Variants in PPFIA2 observed in about 807,000 individuals in gnomAD.
PPFIA2 encodes liprin-alpha-2.
In PPFIA2, 46 loss-of-function variants were observed where a neutral mutation model predicts 175.5. The ratio of observed to expected loss-of-function variants is 0.26; its 90% CI spans 0.21 to 0.34. The LOEUF is 0.34. Among genes scored for constraint, PPFIA2 ranks in the 10% least tolerant of loss-of-function variants. The probability of loss-of-function intolerance (pLI) is 1.00; values close to 1 mark genes in which losing one functional copy is unlikely to be tolerated. For missense variants in PPFIA2, 1,179 were observed against 1,506.1 expected (o/e 0.78, Z 3.60); for synonymous variants, 568 against 511.4 (o/e 1.11, Z -1.49).
Position 81,347,637 on chromosome 12 carries a change from C to T in PPFIA2, c.2128G>A (p.Ala710Thr). 1.2e-6 allele frequency: 2 copies of T among 1,613,782 alleles called. No homozygotes were observed. Among genetic ancestry groups the T allele is most frequent in the South Asian group, 2.2e-5 (2 of 91,072 alleles). ...GGAGATGAACTGGCCAGCGATGAAG[C>T]TGTAACAGAGGCAGTAATGGAGGTA... ...PGTSITASVT[A>T]SSLASSSPPS... The change falls in exon 18 of 33, where the codon GCT becomes ACT. Residue 710 changes from alanine (A) to threonine (T), a missense_variant. Transcript: ENST00000549396.
At chr12:81,411,001 T>G (rs2043862811) in intron 7 of PPFIA2, among the ~76,000 whole-genome samples, 1 of 152,022 alleles carries the variant, frequency 6.6e-6, no homozygotes, top group Non-Finnish European at 1.5e-5. Context: ...AATTTCCCCT[T>G]TTGTGCCCCA....
Position 81,374,806 on chromosome 12 carries a change from A to T in PPFIA2, c.1132-38T>A, listed in dbSNP as rs753369723. The T allele has an allele frequency of 1.9e-6, 3 of 1,583,840 alleles. No individual in the cohort carries two copies. In the South Asian group the frequency reaches 3.4e-5, roughly 18 times the overall value. On this transcript the variant is annotated intron_variant, in intron 10 of 32. Transcript: ENST00000549396. ...TGGGAGCAGAGACACTTAAAGAGTC[A>T]GAGTTTGGATAGCAAACACCAGTCG... is the stretch of plus-strand genomic sequence containing the variant.
chr12:81,420,990 AG>A (rs1406915024), intron 7 of PPFIA2, among the ~76,000 whole-genome samples: 1 of 152,178 alleles, frequency 6.6e-6, no homozygotes, highest in Non-Finnish European at 1.5e-5. Flanking sequence ...GAAACATTGC[AG>A]GCCAAGAGAC....
intron 4 of PPFIA2, among the ~76,000 whole-genome samples, chr12:81,614,282 G>A (rs763945394): frequency 6.6e-5 from 10 of 152,034 alleles, no homozygotes; most frequent in Admixed American, 3.9e-4. Context: ...ATGTTTTCGT[G>A]CTCTTCAATG....
chr12:81,753,982 G>A lies in PPFIA2; in HGVS notation c.240C>T (p.Ala80=). Residue 80 remains alanine, a synonymous_variant, in exon 3 of 33, where the codon GCC becomes GCT. Transcript: ENST00000549396. ...CTACCAGGAAGCATACCTGTGGCAGGGCTGAATTGAGCTGTCTCTGGAGTG... is the reference window on the plus strand; with the variant it reads ...CTACCAGGAAGCATACCTGTGGCAGAGCTGAATTGAGCTGTCTCTGGAGTG... ...RDSLQRQLNS[A]LPQDIESLTG... is the part of the protein sequence containing the mutation. 1 of 1,613,784 alleles carries A rather than the reference G, an allele frequency of 6.2e-7. No homozygotes were observed.
At chr12:81,357,977 A>G (rs2141091294) in intron 16 of PPFIA2, 105 bp downstream of exon 16, 1 of 1,180,180 alleles carries the variant, frequency 8.5e-7, no homozygotes, top group South Asian at 1.8e-5. Flanking sequence ...TTTCAAATTA[A>G]TAAAAATGCT....
At chr12:81,541,641 T>C (rs1052265547) in intron 4 of PPFIA2, among the ~76,000 whole-genome samples, 3 of 152,016 alleles carry the variant, frequency 2.0e-5, no homozygotes, top group Non-Finnish European at 4.4e-5. Context: ...TTTCATTATA[T>C]TAATTAGACA....
At chr12:81,408,400 C>G (rs2043302830) in intron 7 of PPFIA2, among the ~76,000 whole-genome samples, 1 of 152,068 alleles carries the variant, frequency 6.6e-6, no homozygotes, top group Non-Finnish European at 1.5e-5. Flanking sequence ...AAATTATATG[C>G]TTTGTTCTAT....
chr12:81,368,114 C>T (rs1233820575), intron 13 of PPFIA2: 19 of 1,287,968 alleles, frequency 1.5e-5, no homozygotes, highest in Non-Finnish European at 1.9e-5. Context: ...TTAATTTATG[C>T]TCTGGAATTG....
At chr12:81,450,016 C>T (rs1190991425) in intron 5 of PPFIA2, among the ~76,000 whole-genome samples, 1 of 152,118 alleles carries the variant, frequency 6.6e-6, no homozygotes, top group Admixed American at 6.5e-5. Context: ...ATATGTGCCA[C>T]ATTTTCTCAA....
chr12:81,662,818 A>G (rs1359881878), intron 4 of PPFIA2, among the ~76,000 whole-genome samples: 2 of 152,198 alleles, frequency 1.3e-5, no homozygotes, highest in African/African-American at 2.4e-5. Context: ...ATACTGGCCA[A>G]CTGAATCCAG....
chr12:81,622,306 A>G (rs2062142275), intron 4 of PPFIA2, among the ~76,000 whole-genome samples: 1 of 152,206 alleles, frequency 6.6e-6, no homozygotes, highest in African/African-American at 2.4e-5. Context: ...TTGCAATTTG[A>G]TACAGGGCTC....
chr12:81,691,141 G>C lies in PPFIA2; in HGVS notation c.250-14297C>G, dbSNP rs116573662. Among the ~76,000 whole-genome samples the C allele has an allele frequency of 6.2e-3, 939 of 152,218 alleles. 10 individuals are homozygous for C. The highest frequency in any genetic ancestry group is 0.021 in the African/African-American group (865 of 41,560). ...CCTACCACAAGGGGTAATTAAAAATGTAAGTTAGAACAGGCTTGGCCTGAA... is the reference window on the plus strand; with the variant it reads ...CCTACCACAAGGGGTAATTAAAAATCTAAGTTAGAACAGGCTTGGCCTGAA... On this transcript the variant is annotated intron_variant, in intron 3 of 32. Coordinates refer to ENST00000549396, the MANE Select transcript of PPFIA2 (RefSeq NM_003625.5).
chr12:81,438,574 A>T (rs1288036548), intron 7 of PPFIA2, among the ~76,000 whole-genome samples: 1 of 152,240 alleles, frequency 6.6e-6, no homozygotes, highest in Non-Finnish European at 1.5e-5. Context: ...CTGTATGCAT[A>T]ATGTATATGT....
At chr12:81,509,253 TCA>T (rs2061519015) in intron 4 of PPFIA2, among the ~76,000 whole-genome samples, 1 of 152,176 alleles carries the variant, frequency 6.6e-6, no homozygotes, top group African/African-American at 2.4e-5. Context: ...TCTCAGTGGC[TCA>T]CAGACTTCCA....
At chr12:81,655,504 T>C (rs1157424927) in intron 4 of PPFIA2, among the ~76,000 whole-genome samples, 5 of 151,976 alleles carry the variant, frequency 3.3e-5, no homozygotes, top group Non-Finnish European at 7.4e-5. Context: ...TATCTCAAAA[T>C]GAATCAAAAA....
chr12:81,694,813 G>A (rs1050491893), intron 3 of PPFIA2, among the ~76,000 whole-genome samples: 1 of 152,168 alleles, frequency 6.6e-6, no homozygotes, highest in African/African-American at 2.4e-5. Flanking sequence ...GAGCAGCCTG[G>A]TGCTTAACTT....
chr12:81,456,846 G>A (rs1247716628), intron 5 of PPFIA2, among the ~76,000 whole-genome samples: 1 of 151,966 alleles, frequency 6.6e-6, no homozygotes, highest in East Asian at 1.9e-4. Flanking sequence ...TCCAAAAGTA[G>A]AATCTAGCAA....
intron 3 of PPFIA2, among the ~76,000 whole-genome samples, chr12:81,735,910 ACTCT>A: frequency 6.6e-6 from 1 of 151,932 alleles, no homozygotes; most frequent in Middle Eastern, 3.4e-3. Flanking sequence ...TTATTCTTGT[ACTCT>A]CTATCATTAT....
Sources: allele counts gnomAD v4.1 joint callset (sites outside exome capture counted in the v4.1 genomes callset), GRCh38; gene constraint gnomAD v4.1.1; transcripts MANE v1.5; gene names NCBI Gene and HGNC (gene_info 2026-07-23, HGNC 2026-07-21).